Variants in ZNF81 observed in about 807,000 individuals in gnomAD.
ZNF81 encodes zinc finger protein 81 (HFZ20).
ZNF81 carries 5 observed loss-of-function variants against 32.3 expected under a neutral mutation model. That is an observed-to-expected ratio of 0.15 (90% CI 0.08 to 0.33). The LOEUF (loss-of-function observed/expected upper bound fraction) is 0.33. Among genes scored for constraint, ZNF81 ranks in the 10% least tolerant of loss-of-function variants. ZNF81 has a pLI of 1.00. For synonymous variants in ZNF81, 163 were observed against 166.8 expected (o/e 0.98, Z 0.17); for missense variants, 379 against 479.8 (o/e 0.79, Z 1.96).
intron 2 of ZNF81, among the ~76,000 whole-genome samples, chrX:47,865,875 C>T (rs1343878130): frequency 9.0e-6 from 1 of 111,685 alleles, no homozygotes; most frequent in Non-Finnish European, 1.9e-5. Context: ...AATTTACCAG[C>T]CACCTCTGAT....
chrX:47,852,998 A>G (rs960807373), intron 2 of ZNF81, among the ~76,000 whole-genome samples: 1 of 112,410 alleles, frequency 8.9e-6, no homozygotes, highest in African/African-American at 3.2e-5. Flanking sequence ...CATGAAAACA[A>G]CATGAATCTC....
At position 47,846,266 on chromosome X, in the gene ZNF81, A is replaced by G. The variant is rs1603164788; in HGVS notation, c.-2A>G. 2.5e-6 allele frequency: 3 copies of G among 1,207,439 alleles called. No individual in the cohort carries two copies. Among genetic ancestry groups the G allele is most frequent in the Non-Finnish European group, 3.4e-6 (3 of 894,526 alleles). On this transcript the variant is annotated 5_prime_UTR_variant, in exon 2 of 5. Transcript: ENST00000338637. ...GGGCTGAAGTCCAAGTCCGTCGGGA[A>G]CATGCCAGCTAACGAGGACGCTCCC...
In ZNF81 at chrX:47,914,879, C is replaced by T. The variant is rs372703173; in HGVS notation, c.278-45C>T. ...CTTATGTGTACCTTTTAATCTCTTGCGGTCTATTGTTTGTGTCAATTTTAC... is the reference window on the plus strand; with the variant it reads ...CTTATGTGTACCTTTTAATCTCTTGTGGTCTATTGTTTGTGTCAATTTTAC... On this transcript the variant is annotated intron_variant, in intron 4 of 4. Transcript: ENST00000338637. The T allele has an allele frequency of 1.4e-4, 166 of 1,145,607 alleles. No homozygotes were observed. In the South Asian group the frequency reaches 2.4e-3, roughly 17 times the overall value. The allele number at this position is 1,145,607 out of a possible 1,213,427, so 94.4% of individuals were successfully genotyped here.
intron 2 of ZNF81, among the ~76,000 whole-genome samples, chrX:47,856,048 CAAAAAAAAA>C (rs61300154): frequency 2.1e-5 from 1 of 48,690 alleles, no homozygotes. Flanking sequence ...GACTCTGCCT[CAAAAAAAAA>C]AAAAAAAAAA....
intron 3 of ZNF81, among the ~76,000 whole-genome samples, chrX:47,894,264 T>C (rs1305609452): frequency 9.0e-6 from 1 of 111,283 alleles, no homozygotes; most frequent in Non-Finnish European, 1.9e-5. Flanking sequence ...CAGGTGAGGG[T>C]GATCAAATAT....
At chrX:47,892,855 G>T (rs2058667170) in intron 3 of ZNF81, among the ~76,000 whole-genome samples, 1 of 112,528 alleles carries the variant, frequency 8.9e-6, no homozygotes, top group Non-Finnish European at 1.9e-5. Flanking sequence ...CTTAAGTCCA[G>T]TTATATGTCT....
intron 1 of ZNF81, chrX:47,842,823 A>T (rs2148002768): frequency 9.0e-6 from 1 of 111,097 alleles, no homozygotes; most frequent in African/African-American, 3.3e-5. Flanking sequence ...ACGGGGTTTC[A>T]CCATGTTGGC....
At chrX:47,912,519 A>G (rs2058742456) in intron 4 of ZNF81, among the ~76,000 whole-genome samples, 1 of 106,112 alleles carries the variant, frequency 9.4e-6, no homozygotes, top group Admixed American at 1.1e-4. Flanking sequence ...AGAATAATGT[A>G]TGAATTATAC....
intron 2 of ZNF81, among the ~76,000 whole-genome samples, chrX:47,885,458 C>G (rs989633911): frequency 1.1e-4 from 12 of 112,092 alleles, no homozygotes; most frequent in Non-Finnish European, 2.1e-4. Context: ...TCTTACTCAT[C>G]TGTTTTAGTT....
chrX:47,841,729 T>C (rs1206858188), intron 1 of ZNF81: 8 of 511,205 alleles, frequency 1.6e-5, no homozygotes, highest in African/African-American at 7.0e-5. Context: ...TTTTTATCTT[T>C]GTCAATCTTG....
Position 47,916,305 on chromosome X carries a change from C to G in ZNF81, c.1659C>G (p.Pro553=). The G allele has an allele frequency of 8.3e-7, 1 of 1,210,831 alleles. No individual in the cohort carries two copies. Among genetic ancestry groups the G allele is most frequent in the Non-Finnish European group, 1.1e-6 (1 of 895,224 alleles). ...AGACCATTCACACTGGAGAGAAACC[C>G]TATGTTTGTGCTGATTGTGGGAGGG... is the stretch of plus-strand genomic sequence containing the variant. ...KHQTIHTGEK[P]YVCADCGRAF... Residue 553 remains proline, a synonymous_variant, in exon 5 of 5, where the codon CCC becomes CCG. Transcript: ENST00000338637.
At chrX:47,844,404 T>C (rs1284127672) in intron 1 of ZNF81, among the ~76,000 whole-genome samples, 1 of 112,463 alleles carries the variant, frequency 8.9e-6, no homozygotes, top group African/African-American at 3.2e-5. Context: ...ATATTTCACA[T>C]GAGTGGAATC....
chrX:47,861,328 T>C (rs1300690920), intron 2 of ZNF81, among the ~76,000 whole-genome samples: 6 of 112,297 alleles, frequency 5.3e-5, no homozygotes, highest in Admixed American at 1.9e-4. Flanking sequence ...AGAAGTGTTC[T>C]GTGTGAGTGG....
chrX:47,887,839 T>G lies in ZNF81; in HGVS notation c.55-160T>G, dbSNP rs577538711. ...AATTTATGATTAGATTTTTATATTC[T>G]ACACAATATTACATATGTGTATATA... On this transcript the variant is annotated intron_variant, in intron 2 of 4. Transcript: ENST00000338637. Among the ~76,000 whole-genome samples, 10 of 112,148 alleles carry G rather than the reference T, an allele frequency of 8.9e-5. No homozygotes were observed. The South Asian group carries it at 3.0e-3, about 33-fold the overall frequency.
At position 47,915,932 on chromosome X, in the gene ZNF81, T is replaced by G; in HGVS notation, c.1286T>G (p.Leu429Arg). 1 of 1,210,204 alleles carries G rather than the reference T, an allele frequency of 8.3e-7. No homozygotes were observed. The highest frequency in any genetic ancestry group is 1.8e-5 in the South Asian group (1 of 56,850). ...AAAGCCTTTACCCAAAAATCAACAC[T>G]CAGGATGCATCAGAGAATTCATACA... ...CGKAFTQKST[L>R]RMHQRIHTGE... Residue 429 changes from leucine (L) to arginine (R), a missense_variant, in exon 5 of 5, where the codon CTC (leucine) becomes CGC (arginine). Leu to Arg is a moderately radical substitution (Grantham distance 102). Around this residue, in one of 2 missense-constraint regions of ZNF81, gnomAD observed 277 missense variants for 306.6 expected, o/e 0.90. Transcript: ENST00000338637.
chrX:47,840,258 G>A (rs2058442152), intron 1 of ZNF81, among the ~76,000 whole-genome samples: 1 of 109,032 alleles, frequency 9.2e-6, no homozygotes, highest in Non-Finnish European at 1.9e-5. Flanking sequence ...GGGCTTGGTC[G>A]ACTGCTGCAG....
rs1008481882 is a variant in ZNF81, at chrX:47,924,572, C to A, written c.*7940C>A. Among the ~76,000 whole-genome samples, 11 of 112,116 alleles carry A rather than the reference C, an allele frequency of 9.8e-5. No individual in the cohort carries two copies. The highest frequency in any genetic ancestry group is 3.6e-4 in the African/African-American group (11 of 30,829). ...AGATGTCTTTGTCACCTTCTACATTCATCTTCTACCAATCAACATCCATTT... is the reference window on the plus strand; with the variant it reads ...AGATGTCTTTGTCACCTTCTACATTAATCTTCTACCAATCAACATCCATTT... On this transcript the variant is annotated 3_prime_UTR_variant, in exon 5 of 5. Coordinates refer to ENST00000338637, the MANE Select transcript of ZNF81 (RefSeq NM_007137.5).
chrX:47,868,935 G>A (rs1456455429), intron 2 of ZNF81, among the ~76,000 whole-genome samples: 2 of 92,453 alleles, frequency 2.2e-5, no homozygotes, highest in Non-Finnish European at 4.3e-5. Context: ...ACATAGTGGC[G>A]GGGGGGTGGG....
chrX:47,852,394 T>C (rs1390249023), intron 2 of ZNF81, among the ~76,000 whole-genome samples: 2 of 112,369 alleles, frequency 1.8e-5, no homozygotes, highest in Non-Finnish European at 3.8e-5. Flanking sequence ...TATACAACAC[T>C]GTTTGATAGC....
Sources: gnomAD v4.1 joint callset for allele counts (sites outside exome capture counted in the v4.1 genomes callset) on GRCh38, gnomAD v4.1.1 for gene constraint, gnomAD v4.1.1 regional missense constraint, MANE v1.5 for transcripts, NCBI Gene and HGNC (gene_info 2026-07-23, HGNC 2026-07-21) for gene names.